Variants in TSHZ2 observed in about 807,000 individuals in gnomAD.
TSHZ2 encodes the protein teashirt zinc finger homeobox 2.
Under a neutral mutation model 74.4 loss-of-function variants are expected in TSHZ2, and 21 were observed. The ratio of observed to expected loss-of-function variants is 0.28; its 90% CI spans 0.20 to 0.41. TSHZ2 has a LOEUF of 0.41. TSHZ2 is among the 10% of genes least tolerant of loss of function. The probability of loss-of-function intolerance (pLI) is 1.00; values close to 1 mark genes in which losing one functional copy is unlikely to be tolerated. For synonymous variants in TSHZ2, 540 were observed against 515.3 expected (o/e 1.05, Z -0.65); for missense variants, 1,244 against 1,293.5 (o/e 0.96, Z 0.59).
At chr20:53,413,256 G>A (rs975497220) in intron 2 of TSHZ2, among the ~76,000 whole-genome samples, 2 of 152,198 alleles carry the variant, frequency 1.3e-5, no homozygotes, top group African/African-American at 4.8e-5. Flanking sequence ...AAGTGAGGGG[G>A]AAGGAGGCCA....
intron 2 of TSHZ2, among the ~76,000 whole-genome samples, chr20:53,304,946 T>C (rs1978464836): frequency 7.0e-6 from 1 of 143,810 alleles, no homozygotes; most frequent in Non-Finnish European, 1.5e-5. Context: ...AACTTTTTTT[T>C]TTTTTTTGAG....
At chr20:53,029,291 G>A (rs1983552586) in intron 1 of TSHZ2, among the ~76,000 whole-genome samples, 1 of 152,172 alleles carries the variant, frequency 6.6e-6, no homozygotes, top group Admixed American at 6.5e-5. Flanking sequence ...CATATACAAA[G>A]AGACAAGTAC....
At chr20:53,085,319 C>T (rs777616356) in intron 1 of TSHZ2, among the ~76,000 whole-genome samples, 41 of 152,002 alleles carry the variant, frequency 2.7e-4, no homozygotes, top group Non-Finnish European at 3.8e-4. Context: ...GAGCCAAGAT[C>T]GCGCCACTGA....
chr20:53,038,857 T>G (rs1983920611), intron 1 of TSHZ2, among the ~76,000 whole-genome samples: 1 of 96,130 alleles, frequency 1.0e-5, no homozygotes. Context: ...TTTTCACTTC[T>G]TGTTTTTTTT....
chr20:53,177,643 A>T (rs566500363), intron 1 of TSHZ2, among the ~76,000 whole-genome samples: 4 of 152,314 alleles, frequency 2.6e-5, no homozygotes, highest in African/African-American at 7.2e-5. Flanking sequence ...ATATCCTATG[A>T]TTACATTAGT....
Position 53,138,529 on chromosome 20 carries a change from G to A in TSHZ2, c.41-114970G>A, listed in dbSNP as rs150692853. 5.9e-3 allele frequency among the ~76,000 whole-genome samples: 897 copies of A among 151,962 alleles called. 8 individuals are homozygous for A. The highest frequency in any genetic ancestry group is 0.021 in the African/African-American group (871 of 41,430). ...TCACCCTTAGTCACATCAAACACTC[G>A]GCAGTTTTTTCAGCACACTAAGTCC... On this transcript the variant is annotated intron_variant, in intron 1 of 2. Coordinates refer to ENST00000371497, the MANE Select transcript of TSHZ2 (RefSeq NM_173485.6).
chr20:53,257,440 T>C (rs527884483), intron 2 of TSHZ2, among the ~76,000 whole-genome samples: 6 of 152,340 alleles, frequency 3.9e-5, no homozygotes, highest in Admixed American at 6.5e-5. Context: ...TCATGTGTCA[T>C]AGAAGTTCCA....
At chr20:53,170,117 AG>A (rs1479854466) in intron 1 of TSHZ2, among the ~76,000 whole-genome samples, 1 of 152,172 alleles carries the variant, frequency 6.6e-6, no homozygotes, top group African/African-American at 2.4e-5. Context: ...CCACATAGCT[AG>A]TAATTACAGA....
chr20:53,135,837 T>C (rs1239108514), intron 1 of TSHZ2, among the ~76,000 whole-genome samples: 1 of 152,098 alleles, frequency 6.6e-6, no homozygotes, highest in East Asian at 1.9e-4. Context: ...ACTCCTGGGC[T>C]CAAATGATCC....
intron 1 of TSHZ2, among the ~76,000 whole-genome samples, chr20:53,203,140 C>A (rs57101695): frequency 6.6e-6 from 1 of 151,362 alleles, no homozygotes; most frequent in African/African-American, 2.4e-5. Flanking sequence ...GCTGAGAGGA[C>A]AAATGAAGTT....
intron 2 of TSHZ2, among the ~76,000 whole-genome samples, chr20:53,389,466 A>G (rs1568896413): frequency 6.6e-6 from 1 of 152,216 alleles, no homozygotes; most frequent in Non-Finnish European, 1.5e-5. Flanking sequence ...GGAAGACTTC[A>G]TTGAGGTGGT....
intron 2 of TSHZ2, among the ~76,000 whole-genome samples, chr20:53,337,011 T>A (rs1477671110): frequency 6.6e-6 from 1 of 152,176 alleles, no homozygotes. Context: ...TACATACAAG[T>A]GTGTATACAT....
intron 1 of TSHZ2, among the ~76,000 whole-genome samples, chr20:53,194,412 A>G (rs987868931): frequency 6.6e-6 from 1 of 152,184 alleles, no homozygotes; most frequent in Non-Finnish European, 1.5e-5. Flanking sequence ...GGGAGAGTGA[A>G]TGTCAATGCC....
At chr20:53,404,847 G>C (rs1237271187) in intron 2 of TSHZ2, among the ~76,000 whole-genome samples, 2 of 148,548 alleles carry the variant, frequency 1.3e-5, no homozygotes, top group Non-Finnish European at 3.0e-5. Flanking sequence ...CTGATGGCAG[G>C]ATCAAAGAAG....
chr20:53,267,426 A>C (rs1357866802), intron 2 of TSHZ2, among the ~76,000 whole-genome samples: 1 of 152,252 alleles, frequency 6.6e-6, no homozygotes, highest in Admixed American at 6.5e-5. Flanking sequence ...GCCTCTGCTC[A>C]GATCCTTAAA....
At chr20:53,376,312 A>C (rs1981656152) in intron 2 of TSHZ2, among the ~76,000 whole-genome samples, 1 of 152,150 alleles carries the variant, frequency 6.6e-6, no homozygotes, top group South Asian at 2.1e-4. Context: ...AGTGTTGGCA[A>C]ACTGGAACAG....
At position 53,293,641 on chromosome 20, in the gene TSHZ2, T is replaced by A. The variant is rs571913253; in HGVS notation, c.*8+37070T>A. ...CAGACAGACTGGTTATGGATGCTGC[T>A]CTGTCAATTACCAGGCATGTACCCA... On this transcript the variant is annotated intron_variant, in intron 2 of 2. Transcript: ENST00000371497. Among the ~76,000 whole-genome samples, 8 of 150,396 alleles carry A rather than the reference T, an allele frequency of 5.3e-5. 1 individual carries two copies. Among genetic ancestry groups the A allele is most frequent in the African/African-American group, 2.0e-4 (8 of 40,802 alleles).
chr20:53,392,145 T>C (rs1600602685), intron 2 of TSHZ2, among the ~76,000 whole-genome samples: 1 of 152,152 alleles, frequency 6.6e-6, no homozygotes, highest in South Asian at 2.1e-4. Flanking sequence ...AATGAAATAT[T>C]GGGCAGTCTT....
chr20:53,081,445 C>T (rs768549761), intron 1 of TSHZ2, among the ~76,000 whole-genome samples: 1 of 152,196 alleles, frequency 6.6e-6, no homozygotes, highest in Non-Finnish European at 1.5e-5. Flanking sequence ...ACACAGAAAA[C>T]TGCACCCAGC....
Sources: gnomAD v4.1 joint callset for allele counts (sites outside exome capture counted in the v4.1 genomes callset) on GRCh38, gnomAD v4.1.1 for gene constraint, MANE v1.5 for transcripts, NCBI Gene and HGNC (gene_info 2026-07-23, HGNC 2026-07-21) for gene names.